The following LAMA1 variants were observed in gnomAD, a reference collection of about 807,000 sequenced individuals.
LAMA1 encodes the protein laminin subunit alpha 1, also known as laminin subunit alpha-1.
Under a neutral mutation model 348.7 loss-of-function variants are expected in LAMA1, and 219 were observed. The observed-to-expected ratio is 0.63, with a 90% CI of 0.56 to 0.70. The LOEUF (loss-of-function observed/expected upper bound fraction) is 0.70, where lower values mean the gene tolerates loss of function less well. Ranked by LOEUF, LAMA1 falls within the 30% of genes least tolerant of loss-of-function variation. The probability of loss-of-function intolerance (pLI) is 0.00; values close to 1 mark genes in which losing one functional copy is unlikely to be tolerated. For missense variants in LAMA1, 3,744 were observed against 3,888.0 expected, an observed-to-expected ratio of 0.96 and a Z score of 0.99; for synonymous variants, 1,487 against 1,491.0, an observed-to-expected ratio of 1.00 and a Z score of 0.06.
rs2057624300 is a variant in LAMA1 at position 6,964,679 on chromosome 18, T to C, written c.7320A>G (p.Pro2440=). ...TAATATACCTTACAACTCTTGACCT[T>C]GGTAATCCACCCACATAAATCGGGT... ...DKDPIYVGGL[P]RSRVVRRGVT... The change falls in exon 51 of 63, where the codon CCA becomes CCG. Residue 2440 remains proline, a synonymous_variant. Coordinates refer to ENST00000389658, the MANE Select transcript of LAMA1 (RefSeq NM_005559.4). 6.2e-7 allele frequency: 1 copy of C among 1,614,174 alleles called. No homozygotes were observed. The highest frequency in any genetic ancestry group is 1.1e-5 in the South Asian group (1 of 91,084).
chr18:6,948,321 C>A lies in LAMA1; in HGVS notation c.8710+82G>T. 6 of 1,569,700 alleles carry A rather than the reference C, an allele frequency of 3.8e-6. No homozygotes were observed. The East Asian group carries it at 1.3e-4, about 35-fold the overall frequency. On this transcript the variant is annotated intron_variant, in intron 60 of 62. Transcript: ENST00000389658. ...TTCCTGCAGCCTTGTCCAGTGGGTCCTGTCTTATACTCTTGGATCCACATC... is the reference window on the plus strand; with the variant it reads ...TTCCTGCAGCCTTGTCCAGTGGGTCATGTCTTATACTCTTGGATCCACATC...
intron 29 of LAMA1, among the ~76,000 whole-genome samples, chr18:7,004,829 CTG>C (rs910902516): frequency 9.2e-5 from 14 of 152,120 alleles, no homozygotes; most frequent in African/African-American, 2.9e-4. Context: ...ATTTGAAAAA[CTG>C]AGGATGGAAG....
At chr18:6,949,010 T>G in intron 59 of LAMA1, 91 bp downstream of exon 59, 1 of 1,518,168 alleles carries the variant, frequency 6.6e-7, no homozygotes, top group Non-Finnish European at 9.1e-7. Context: ...ACAAGGTAAT[T>G]TAAACATAAA....
chr18:7,047,324 G>A (rs905973926), intron 5 of LAMA1, among the ~76,000 whole-genome samples: 5 of 152,254 alleles, frequency 3.3e-5, no homozygotes, highest in East Asian at 1.9e-4. Flanking sequence ...ATTACAGCAT[G>A]AGCCACTGTG....
At chr18:7,061,859 C>T (rs1568051380) in intron 3 of LAMA1, among the ~76,000 whole-genome samples, 1 of 152,142 alleles carries the variant, frequency 6.6e-6, no homozygotes, top group Admixed American at 6.5e-5. Flanking sequence ...TCCTGTGGGC[C>T]AGTACCTGTG....
chr18:6,991,392 T>C (rs1042120986), intron 36 of LAMA1, among the ~76,000 whole-genome samples: 8 of 137,932 alleles, frequency 5.8e-5, no homozygotes, highest in African/African-American at 8.3e-5. Flanking sequence ...TCTTCTTCTT[T>C]TTTTTTTTTT....
At chr18:7,102,600 A>G (rs1372665964) in intron 1 of LAMA1, among the ~76,000 whole-genome samples, 1 of 152,150 alleles carries the variant, frequency 6.6e-6, no homozygotes, top group Non-Finnish European at 1.5e-5. Context: ...CCACAGCAAT[A>G]AGTGGAGTGA....
At chr18:7,087,467 GC>G (rs1444377299) in intron 1 of LAMA1, among the ~76,000 whole-genome samples, 1 of 152,160 alleles carries the variant, frequency 6.6e-6, no homozygotes, top group Non-Finnish European at 1.5e-5. Flanking sequence ...TCCAGCCGAT[GC>G]CCATGGCAAC....
Position 6,948,542 on chromosome 18 carries a change from G to A in LAMA1, c.8571C>T (p.Ile2857=), listed in dbSNP as rs1219159611. 1 of 1,614,216 alleles carries A rather than the reference G, an allele frequency of 6.2e-7. No individual in the cohort carries two copies. Among genetic ancestry groups the A allele is most frequent in the Admixed American group, 1.7e-5 (1 of 60,028 alleles). The stretch of plus-strand genomic sequence containing the variant: ...CCGTCACATCCCCAATGCAGGCAGG[G>A]ATGCTGTGGGTGATCTAAGCCAAAT... ...ARKIGNITHS[I]PACIGDVTVN... The change falls in exon 60 of 63, where the codon ATC becomes ATT. Residue 2857 remains isoleucine, a synonymous_variant. Coordinates refer to ENST00000389658, the MANE Select transcript of LAMA1 (RefSeq NM_005559.4).
chr18:6,990,611 T>C (rs1210813504), intron 36 of LAMA1, among the ~76,000 whole-genome samples: 1 of 152,164 alleles, frequency 6.6e-6, no homozygotes, highest in African/African-American at 2.4e-5. Flanking sequence ...CTGTCACCAC[T>C]ACCCATTGCC....
At chr18:7,014,073 T>A in intron 22 of LAMA1, 22 bp from the exon 23 acceptor site, 1 of 1,590,694 alleles carries the variant, frequency 6.3e-7, no homozygotes, top group Non-Finnish European at 8.6e-7. Context: ...GAAAACCAAC[T>A]CAATTAAAAA....
chr18:6,975,771 T>C (rs1172708596), intron 45 of LAMA1, among the ~76,000 whole-genome samples, 166 bp downstream of exon 45: 2 of 152,228 alleles, frequency 1.3e-5, no homozygotes, highest in Admixed American at 6.5e-5. Context: ...TTTGGTAGTT[T>C]GTTCATTTTT....
chr18:7,109,710 A>G (rs1046584831), intron 1 of LAMA1, among the ~76,000 whole-genome samples: 3 of 152,214 alleles, frequency 2.0e-5, no homozygotes, highest in African/African-American at 7.2e-5. Flanking sequence ...TAGTTCAGCT[A>G]CAGAAAGGTG....
At chr18:7,098,934 C>A (rs2058278360) in intron 1 of LAMA1, among the ~76,000 whole-genome samples, 1 of 151,462 alleles carries the variant, frequency 6.6e-6, no homozygotes, top group Admixed American at 6.6e-5. Context: ...GTGAGGAGCC[C>A]CTCTGCCCGG....
intron 6 of LAMA1, among the ~76,000 whole-genome samples, chr18:7,045,493 T>C (rs2144191609): frequency 6.6e-6 from 1 of 152,088 alleles, no homozygotes; most frequent in Admixed American, 6.6e-5. Flanking sequence ...TTTTAAAAAA[T>C]AAAAGGAGAA....
chr18:7,021,254 ACAGT>A (rs1169502351), intron 19 of LAMA1, among the ~76,000 whole-genome samples: 1 of 152,104 alleles, frequency 6.6e-6, no homozygotes, highest in African/African-American at 2.4e-5. Context: ...GCAACCCCCG[ACAGT>A]CATTCATCGC....
chr18:7,072,823 C>T (rs1018580497), intron 3 of LAMA1, among the ~76,000 whole-genome samples: 6 of 152,034 alleles, frequency 3.9e-5, no homozygotes, highest in Admixed American at 6.6e-5. Flanking sequence ...GAGGCTGGGA[C>T]GCTGCAAATC....
chr18:6,957,573 C>G (rs886875016), intron 55 of LAMA1, among the ~76,000 whole-genome samples: 1 of 152,086 alleles, frequency 6.6e-6, no homozygotes, highest in Non-Finnish European at 1.5e-5. Context: ...AGTCAGTGAC[C>G]CAGCCAGGAG....
At position 6,952,875 on chromosome 18, in the gene LAMA1, T is replaced by A. The variant is rs1472156760; in HGVS notation, c.8208-1904A>T. Among the ~76,000 whole-genome samples the A allele has an allele frequency of 4.7e-5, 7 of 147,772 alleles. No individual in the cohort carries two copies. The East Asian group carries it at 1.2e-3, about 26-fold the overall frequency. On this transcript the variant is annotated intron_variant, in intron 57 of 62. Transcript: ENST00000389658. ...GCCTGTGTCCAGCGGATCCACGCCA[T>A]GGGAGCCATGTCTGCCTGTGTCCAG...
Sources: gnomAD v4.1 joint callset for allele counts (sites outside exome capture counted in the v4.1 genomes callset) on GRCh38, gnomAD v4.1.1 for gene constraint, MANE v1.5 for transcripts, NCBI Gene and HGNC (gene_info 2026-07-23, HGNC 2026-07-21) for gene names.